The following FGGY variants were observed in gnomAD, a reference collection of about 807,000 sequenced individuals.
The protein encoded by FGGY is FGGY carbohydrate kinase domain containing, also known as FGGY carbohydrate kinase domain-containing protein.
In FGGY, 72 loss-of-function variants were observed where a neutral mutation model predicts 71.3. That is an observed-to-expected ratio of 1.01 (90% CI 0.84 to 1.23). The LOEUF (loss-of-function observed/expected upper bound fraction) is 1.23. Ranked by LOEUF, FGGY falls within the 50% of genes most tolerant of loss-of-function variation. The pLI is 0.00. For missense variants in FGGY, 668 were observed against 682.3 expected (o/e 0.98, Z 0.23); for synonymous variants, 251 against 250.3 (o/e 1.00, Z -0.02).
intron 7 of FGGY, among the ~76,000 whole-genome samples, chr1:59,540,854 A>T (rs1349632659): frequency 6.6e-6 from 1 of 152,140 alleles, no homozygotes; most frequent in Non-Finnish European, 1.5e-5. Flanking sequence ...GTCACTTTAT[A>T]TGTCAGCACA....
At chr1:59,357,454 A>G (rs2054554278) in intron 4 of FGGY, among the ~76,000 whole-genome samples, 1 of 152,178 alleles carries the variant, frequency 6.6e-6, no homozygotes, top group Non-Finnish European at 1.5e-5. Context: ...CTCACATTTT[A>G]CAGATGAATA....
intron 14 of FGGY, among the ~76,000 whole-genome samples, chr1:59,698,252 G>A (rs888780950): frequency 6.6e-6 from 1 of 152,132 alleles, no homozygotes; most frequent in Non-Finnish European, 1.5e-5. Flanking sequence ...GGTTCTGCAT[G>A]TCATATGTAT....
intron 7 of FGGY, among the ~76,000 whole-genome samples, chr1:59,533,705 CCTAA>C (rs60465742): frequency 0.17 from 25,639 of 152,040 alleles, 2,548 homozygotes; most frequent in South Asian, 0.34. Flanking sequence ...CCCCGAGCAG[CCTAA>C]CTGAGAGGCA....
intron 9 of FGGY, among the ~76,000 whole-genome samples, chr1:59,620,683 T>A (rs1183471892): frequency 6.6e-6 from 1 of 152,102 alleles, no homozygotes; most frequent in Non-Finnish European, 1.5e-5. Flanking sequence ...CTTTTTGCAT[T>A]ATTTTTTAAT....
chr1:59,612,438 G>A (rs2096695956), intron 9 of FGGY, among the ~76,000 whole-genome samples: 1 of 152,130 alleles, frequency 6.6e-6, no homozygotes, highest in South Asian at 2.1e-4. Flanking sequence ...TTACAGACAA[G>A]CAAATACTGA....
intron 14 of FGGY, among the ~76,000 whole-genome samples, chr1:59,724,568 T>C (rs1472193799): frequency 1.3e-5 from 2 of 152,226 alleles, no homozygotes; most frequent in East Asian, 1.9e-4. Context: ...CTGATCTTTT[T>C]ATTGCCTCTA....
chr1:59,491,065 T>TC (rs2093835532), intron 6 of FGGY, among the ~76,000 whole-genome samples: 2 of 23,720 alleles, frequency 8.4e-5, no homozygotes, highest in African/African-American at 5.9e-4. Flanking sequence ...CTTCCTTCCT[T>TC]CCTTCCTTCC....
At chr1:59,425,536 A>G (rs1044883687) in intron 5 of FGGY, among the ~76,000 whole-genome samples, 4 of 152,222 alleles carry the variant, frequency 2.6e-5, no homozygotes, top group African/African-American at 9.6e-5. Context: ...GAGAAAAATT[A>G]GAGCTACTCT....
chr1:59,443,828 A>C (rs1316874647), intron 5 of FGGY, among the ~76,000 whole-genome samples: 2 of 152,220 alleles, frequency 1.3e-5, no homozygotes, highest in African/African-American at 4.8e-5. Context: ...GATTGGGAAT[A>C]GGCCTTGGTA....
At chr1:59,348,183 T>C (rs1275407338) in intron 4 of FGGY, among the ~76,000 whole-genome samples, 4 of 152,162 alleles carry the variant, frequency 2.6e-5, no homozygotes, top group Admixed American at 6.5e-5. Flanking sequence ...CAGTATTCTA[T>C]TGGAGTTCAG....
intron 7 of FGGY, among the ~76,000 whole-genome samples, chr1:59,533,084 G>A (rs948310508): frequency 1.3e-5 from 2 of 152,154 alleles, no homozygotes; most frequent in East Asian, 1.9e-4. Flanking sequence ...CTGCATTTCC[G>A]TCTGAGGTAC....
chr1:59,333,495 T>C (rs141044938), intron 2 of FGGY, among the ~76,000 whole-genome samples: 46 of 152,346 alleles, frequency 3.0e-4, no homozygotes, highest in Admixed American at 5.2e-4. Flanking sequence ...CCAAGGAAGC[T>C]GCTTATCTGA....
At chr1:59,575,888 A>G (rs931245875) in intron 8 of FGGY, among the ~76,000 whole-genome samples, 2 of 152,166 alleles carry the variant, frequency 1.3e-5, no homozygotes, top group Admixed American at 6.5e-5. Context: ...TAAGGAAGTG[A>G]TATCTGTGAT....
intron 5 of FGGY, among the ~76,000 whole-genome samples, chr1:59,429,707 C>T (rs781157995): frequency 1.3e-5 from 2 of 152,212 alleles, no homozygotes; most frequent in Non-Finnish European, 2.9e-5. Flanking sequence ...TGTATACACA[C>T]ACACAGACAC....
At chr1:59,458,857 G>C (rs1331419424) in intron 6 of FGGY, among the ~76,000 whole-genome samples, 1 of 152,162 alleles carries the variant, frequency 6.6e-6, no homozygotes, top group Non-Finnish European at 1.5e-5. Context: ...ATATTTAAGA[G>C]GCTGTTTATT....
intron 8 of FGGY, among the ~76,000 whole-genome samples, chr1:59,560,608 TTAAC>T (rs1316174845): frequency 2.0e-5 from 3 of 152,322 alleles, no homozygotes; most frequent in South Asian, 2.1e-4. Flanking sequence ...AAAATATTCA[TTAAC>T]TATTCACTCA....
intron 9 of FGGY, among the ~76,000 whole-genome samples, chr1:59,610,420 T>A (rs1402403670): frequency 6.6e-6 from 1 of 152,352 alleles, no homozygotes; most frequent in East Asian, 1.9e-4. Flanking sequence ...CATGCCTTTT[T>A]ATGAAGGCAT....
intron 8 of FGGY, among the ~76,000 whole-genome samples, chr1:59,593,620 A>C (rs942763529): frequency 1.3e-5 from 2 of 152,166 alleles, no homozygotes; most frequent in Non-Finnish European, 2.9e-5. Flanking sequence ...AAAAATTCTT[A>C]CTGTATAGTT....
At chr1:59,674,355 T>C (rs1323552640) in intron 14 of FGGY, among the ~76,000 whole-genome samples, 4 of 152,236 alleles carry the variant, frequency 2.6e-5, no homozygotes, top group Non-Finnish European at 4.4e-5. Context: ...TTCAGTTGTT[T>C]TTTTTCTTTC....
Sources: allele counts gnomAD v4.1 joint callset (sites outside exome capture counted in the v4.1 genomes callset), GRCh38; gene constraint gnomAD v4.1.1; transcripts MANE v1.5; gene names NCBI Gene and HGNC (gene_info 2026-07-23, HGNC 2026-07-21).